CNEP1R1: variants seen among roughly 807,000 people sequenced by gnomAD.
The protein encoded by CNEP1R1 is nuclear envelope phosphatase-regulatory subunit 1.
Under a neutral mutation model 22.7 loss-of-function variants are expected in CNEP1R1, and 10 were observed. The observed-to-expected ratio is 0.44, with a 90% CI of 0.27 to 0.75. The LOEUF (loss-of-function observed/expected upper bound fraction) is 0.75, where lower values mean the gene tolerates loss of function less well. Ranked by LOEUF, CNEP1R1 falls within the 30% of genes least tolerant of loss-of-function variation. The pLI, the probability that CNEP1R1 is intolerant of heterozygous loss-of-function variation, is 0.17. For missense variants in CNEP1R1, 73 were observed against 151.5 expected (o/e 0.48, Z 2.72); for synonymous variants, 53 against 50.1 (o/e 1.06, Z -0.25).
chr16:50,027,732 C>T (rs550265147), intron 2 of CNEP1R1, among the ~76,000 whole-genome samples: 1 of 150,870 alleles, frequency 6.6e-6, no homozygotes, highest in Non-Finnish European at 1.5e-5. Context: ...GGAAAAGTTA[C>T]AAAATTACCC....
In CNEP1R1 at chr16:50,034,132, A is replaced by G. The variant is rs1253758869; in HGVS notation, c.312A>G (p.Ala104=). Residue 104 remains alanine (A), a synonymous_variant, in exon 5 of 6, where the codon GCA becomes GCG. Coordinates refer to ENST00000427478, the MANE Select transcript of CNEP1R1 (RefSeq NM_001281789.2). Reference sequence around the variant, plus strand: ...CTGCTCGATGTCGAACGGTATTAGCAGAATACAATATGTCTTGTGATGATG... The same window carrying G: ...CTGCTCGATGTCGAACGGTATTAGCGGAATACAATATGTCTTGTGATGATG... ...IIAARCRTVL[A]EYNMSCDDTG... 16 of 1,590,686 alleles carry G rather than the reference A, an allele frequency of 1.0e-5. No individual in the cohort carries two copies. Among genetic ancestry groups the G allele is most frequent in the African/African-American group, 2.7e-5 (2 of 74,676 alleles).
At chr16:50,027,507 CAAAAAAAAA>C (rs71138024) in intron 2 of CNEP1R1, among the ~76,000 whole-genome samples, 2 of 110,106 alleles carry the variant, frequency 1.8e-5, no homozygotes, top group Non-Finnish European at 3.5e-5. Context: ...GACTCTGTCT[CAAAAAAAAA>C]AAAAAAAAAA....
At chr16:50,026,309 A>T (rs1324683927) in intron 1 of CNEP1R1, 87 bp from the exon 2 acceptor site, 6 of 881,432 alleles carry the variant, frequency 6.8e-6, no homozygotes, top group Non-Finnish European at 1.1e-5. Context: ...AGTATCTCAC[A>T]TGTCGTCTTA....
At chr16:50,026,341 A>G in intron 1 of CNEP1R1, 55 bp from the exon 2 acceptor site, 1 of 1,267,456 alleles carries the variant, frequency 7.9e-7, no homozygotes, top group African/African-American at 1.5e-5. Context: ...ATACTCTGAC[A>G]TTTCGTCAGA....
At chr16:50,031,610 A>G (rs2036231623) in intron 3 of CNEP1R1, among the ~76,000 whole-genome samples, 2 of 152,220 alleles carry the variant, frequency 1.3e-5, no homozygotes, top group Non-Finnish European at 2.9e-5. Context: ...GCCCAAAACT[A>G]TGTAGTTAAT....
chr16:50,025,816 C>G, intron 1 of CNEP1R1: 2 of 839,410 alleles, frequency 2.4e-6, no homozygotes, highest in Admixed American at 4.2e-5. Flanking sequence ...TAGGCGCTGC[C>G]TGGGTGCCAC....
intron 2 of CNEP1R1, among the ~76,000 whole-genome samples, chr16:50,028,239 G>A (rs1464676586): frequency 6.6e-6 from 1 of 152,196 alleles, no homozygotes; most frequent in Non-Finnish European, 1.5e-5. Flanking sequence ...AGGATTACAG[G>A]TGTGAGCCAC....
At chr16:50,027,568 TGGGA>T (rs1437817154) in intron 2 of CNEP1R1, among the ~76,000 whole-genome samples, 1 of 151,232 alleles carries the variant, frequency 6.6e-6, no homozygotes, top group African/African-American at 2.4e-5. Flanking sequence ...CCCAGCAACT[TGGGA>T]GGATCACTTG....
At chr16:50,027,365 G>A (rs1380758351) in intron 2 of CNEP1R1, among the ~76,000 whole-genome samples, 1 of 151,878 alleles carries the variant, frequency 6.6e-6, no homozygotes, top group Non-Finnish European at 1.5e-5. Context: ...AAAATTAGCC[G>A]GGCGTGGTGG....
rs770163275 is a variant in CNEP1R1 at position 50,035,468 on chromosome 16, C to T, written c.*10C>T. The T allele has an allele frequency of 8.9e-6, 14 of 1,572,352 alleles. No individual in the cohort carries two copies. In the East Asian group the frequency reaches 2.7e-4, roughly 30 times the overall value. On this transcript the variant is annotated 3_prime_UTR_variant, in exon 6 of 6. Transcript: ENST00000427478. Reference sequence around the variant, plus strand: ...GCCTCATGTTCAATGACAATCTTCACTCATTGTTATGGGACTTAAAATAGC... The same window carrying T: ...GCCTCATGTTCAATGACAATCTTCATTCATTGTTATGGGACTTAAAATAGC...
intron 2 of CNEP1R1, among the ~76,000 whole-genome samples, chr16:50,027,507 C>CA (rs71138024): frequency 0.65 from 71,099 of 109,912 alleles, 22,843 homozygotes; most frequent in South Asian, 0.73. Flanking sequence ...GACTCTGTCT[C>CA]AAAAAAAAAA....
chr16:50,025,771 C>T (rs1413199557), intron 1 of CNEP1R1: 1 of 1,328,700 alleles, frequency 7.5e-7, no homozygotes, highest in Non-Finnish European at 1.1e-6. Flanking sequence ...CCACCACTCA[C>T]TCGGAGCAGC....
chr16:50,028,438 TTA>T (rs1205942606), intron 2 of CNEP1R1, among the ~76,000 whole-genome samples: 1 of 152,214 alleles, frequency 6.6e-6, no homozygotes, highest in Non-Finnish European at 1.5e-5. Context: ...TGTATAATTT[TTA>T]TTAAATCTAT....
At chr16:50,026,164 C>T (rs1315342617) in intron 1 of CNEP1R1, 1 of 456,034 alleles carries the variant, frequency 2.2e-6, no homozygotes, top group Non-Finnish European at 3.9e-6. Context: ...AGTAAATCAG[C>T]AAGTTTTCTT....
intron 3 of CNEP1R1, 66 bp from the exon 4 acceptor site, chr16:50,033,331 G>C (rs947379101): frequency 1.5e-6 from 1 of 677,020 alleles, no homozygotes; most frequent in South Asian, 1.8e-5. Context: ...ATGTACAAGT[G>C]GGGAGGTAGG....
At chr16:50,034,920 A>G (rs143783773) in intron 5 of CNEP1R1, among the ~76,000 whole-genome samples, 36 of 152,280 alleles carry the variant, frequency 2.4e-4, no homozygotes, top group African/African-American at 8.4e-4. Context: ...AAAAACTATC[A>G]TGTACCAGTG....
chr16:50,032,508 A>G (rs2036239632), intron 3 of CNEP1R1, among the ~76,000 whole-genome samples: 1 of 152,186 alleles, frequency 6.6e-6, no homozygotes, highest in South Asian at 2.1e-4. Context: ...GTAGCTTCAA[A>G]ACCAAATTTG....
Position 50,035,427 on chromosome 16 carries a change from T to G in CNEP1R1, c.347T>G (p.Leu116Arg). The G allele has an allele frequency of 6.3e-7, 1 of 1,577,044 alleles. No individual in the cohort carries two copies. The highest frequency in any genetic ancestry group is 8.6e-7 in the Non-Finnish European group (1 of 1,156,952). The change falls in exon 6 of 6, where the codon CTA (leucine) becomes CGA (arginine). Residue 116 changes from leucine (L) to arginine (R), a missense_variant. Physicochemically the swap from Leu to Arg is moderately radical, Grantham distance 102 (BLOSUM62 -2). Transcript: ENST00000427478. ...TTTTCATTTTTGCAGACAGGAAAAC[T>G]AATTTTGAAACCTAGGCCTCATGTT... Reference protein sequence around the residue: ...YNMSCDDTGKLILKPRPHVQ With the variant: ...YNMSCDDTGKRILKPRPHVQ
At chr16:50,034,062 T>C in intron 4 of CNEP1R1, 40 bp from the exon 5 acceptor site, 1 of 1,527,726 alleles carries the variant, frequency 6.5e-7, no homozygotes, top group Non-Finnish European at 8.9e-7. Flanking sequence ...AAAAGCATAC[T>C]CTTGAAATGA....
Sources: gnomAD v4.1 joint callset for allele counts (sites outside exome capture counted in the v4.1 genomes callset) on GRCh38, gnomAD v4.1.1 for gene constraint, MANE v1.5 for transcripts, NCBI Gene and HGNC (gene_info 2026-07-23, HGNC 2026-07-21) for gene names.